The following PTPRN2 variants were observed in gnomAD, a reference collection of about 807,000 sequenced individuals.
The protein encoded by PTPRN2 is receptor-type tyrosine-protein phosphatase N2.
Under a neutral mutation model 118.8 loss-of-function variants are expected in PTPRN2, and 74 were observed. The observed-to-expected ratio is 0.62, with a 90% CI of 0.52 to 0.76. The LOEUF (loss-of-function observed/expected upper bound fraction) is 0.76. Among genes scored for constraint, PTPRN2 ranks in the 30% least tolerant of loss-of-function variants. The pLI, the probability that PTPRN2 is intolerant of heterozygous loss-of-function variation, is 0.00. For missense variants in PTPRN2, 1,481 were observed against 1,394.4 expected (o/e 1.06, Z -0.99); for synonymous variants, 641 against 608.0 (o/e 1.05, Z -0.80).
chr7:157,577,677 G>A (rs1800129754), intron 18 of PTPRN2, among the ~76,000 whole-genome samples: 1 of 152,192 alleles, frequency 6.6e-6, no homozygotes, highest in South Asian at 2.1e-4. Context: ...TGAGGCGAAT[G>A]TTTTTTCTAC....
At position 157,874,491 on chromosome 7, in the gene PTPRN2, C is replaced by G. The variant is rs1424707595; in HGVS notation, c.1788+24182G>C. ...TGCCTTCCTGCCAGCCAACCATGTT[C>G]ACAAGGAAGTTCATGTCCCCCTTAA... On this transcript the variant is annotated intron_variant, in intron 12 of 22. Transcript: ENST00000389418. This position sits in a 1 kb window ranked among gnomAD's most constrained non-coding sequence, Gnocchi z 5.8. Among the ~76,000 whole-genome samples, 11 of 152,224 alleles carry G rather than the reference C, an allele frequency of 7.2e-5. No homozygotes were observed. The highest frequency in any genetic ancestry group is 2.7e-4 in the African/African-American group (11 of 41,468).
intron 13 of PTPRN2, among the ~76,000 whole-genome samples, chr7:157,667,219 T>G (rs1167847180): frequency 1.9e-5 from 2 of 103,282 alleles, no homozygotes; most frequent in Non-Finnish European, 4.3e-5. Context: ...ACGCTCAGCC[T>G]GTGGGACACT....
intron 3 of PTPRN2, among the ~76,000 whole-genome samples, chr7:158,241,635 T>C (rs1341867936): frequency 6.6e-6 from 1 of 152,198 alleles, no homozygotes; most frequent in Non-Finnish European, 1.5e-5. Context: ...AAGACATTGT[T>C]TTCTGAAGTG....
chr7:158,048,342 G>T (rs1809031998), intron 11 of PTPRN2, among the ~76,000 whole-genome samples: 1 of 152,128 alleles, frequency 6.6e-6, no homozygotes, highest in Non-Finnish European at 1.5e-5. Flanking sequence ...GGTCCTGCTA[G>T]CCACGGGCAT....
chr7:158,319,629 TCA>T (rs1335700209), intron 2 of PTPRN2, among the ~76,000 whole-genome samples: 2 of 9,426 alleles, frequency 2.1e-4, no homozygotes, highest in Non-Finnish European at 4.9e-4. Context: ...ACAGCCTCCC[TCA>T]CACACACACA....
intron 12 of PTPRN2, among the ~76,000 whole-genome samples, chr7:157,788,410 T>C (rs1236888422): frequency 6.7e-6 from 1 of 149,518 alleles, no homozygotes; most frequent in African/African-American, 2.5e-5. Context: ...CAGGAAGCTT[T>C]CAGCCTCCTT....
intron 3 of PTPRN2, among the ~76,000 whole-genome samples, chr7:158,269,026 C>T (rs968981240): frequency 4.6e-5 from 7 of 152,218 alleles, no homozygotes; most frequent in African/African-American, 9.6e-5. Context: ...TGAACCTCCC[C>T]GGCTTTGTTT....
rs79722128 is a variant in PTPRN2 at position 157,785,656 on chromosome 7, C to T, written c.1789-102719G>A. The stretch of plus-strand genomic sequence containing the variant: ...GCAGACGGTGGGCAGAGGGCAGAGA[C>T]GGAGACCGTGGGCACAGCACACCAA... On this transcript the variant is annotated intron_variant, in intron 12 of 22. Transcript: ENST00000389418. This position sits in a 1 kb window ranked among gnomAD's most constrained non-coding sequence, Gnocchi z 7.3. Among the ~76,000 whole-genome samples, 9,573 of 152,188 alleles carry T rather than the reference C, an allele frequency of 0.063. 445 individuals are homozygous for T. The highest frequency in any genetic ancestry group is 0.088 in the Non-Finnish European group (6,017 of 68,000).
At chr7:158,213,789 G>A (rs2150771952) in intron 3 of PTPRN2, among the ~76,000 whole-genome samples, 2 of 151,736 alleles carry the variant, frequency 1.3e-5, no homozygotes, top group East Asian at 3.9e-4. Context: ...TTCCTAAAAG[G>A]GATTCTCTTA....
intron 1 of PTPRN2, among the ~76,000 whole-genome samples, chr7:158,507,371 C>G (rs1382204833): frequency 6.9e-6 from 1 of 145,032 alleles, no homozygotes; most frequent in African/African-American, 2.6e-5. Flanking sequence ...CAGTGAGGAC[C>G]ATCCAGGGGA....
intron 6 of PTPRN2, among the ~76,000 whole-genome samples, chr7:158,162,689 C>G (rs1822467524): frequency 6.6e-6 from 1 of 152,190 alleles, no homozygotes; most frequent in Admixed American, 6.5e-5. Flanking sequence ...TTAGATAGGC[C>G]TTCCACTGAA....
intron 3 of PTPRN2, among the ~76,000 whole-genome samples, chr7:158,287,593 G>A (rs1232396000): frequency 6.6e-6 from 1 of 152,044 alleles, no homozygotes; most frequent in Non-Finnish European, 1.5e-5. Context: ...TGGTTCAGAA[G>A]CATGTTGTTC....
intron 11 of PTPRN2, among the ~76,000 whole-genome samples, chr7:157,907,569 G>A (rs1258903976): frequency 6.9e-6 from 1 of 145,236 alleles, no homozygotes; most frequent in Non-Finnish European, 1.5e-5. Context: ...TGTCTCCTGT[G>A]TGTGAGGTGT....
chr7:157,864,391 G>A (rs766805631), intron 12 of PTPRN2: 17 of 152,328 alleles, frequency 1.1e-4, no homozygotes, highest in South Asian at 2.1e-4. Context: ...GACGGGCCCC[G>A]GATGCTGACA....
At position 158,418,430 on chromosome 7, in the gene PTPRN2, G is replaced by A. The variant is rs10239894; in HGVS notation, c.163+71305C>T. ...CTGTGTTGTCATGGTGTACTACATCGAGATGCTGTAGCTCTCAGTGTCCCG... is the reference window on the plus strand; with the variant it reads ...CTGTGTTGTCATGGTGTACTACATCAAGATGCTGTAGCTCTCAGTGTCCCG... On this transcript the variant is annotated intron_variant, in intron 2 of 22. Transcript: ENST00000389418. Among the ~76,000 whole-genome samples, 509 of 140,184 alleles carry A rather than the reference G, an allele frequency of 3.6e-3. 16 individuals carry two copies. The highest frequency in any genetic ancestry group is 0.013 in the African/African-American group (489 of 37,294). The allele number at this position is 140,184 out of a possible 152,430, so 92.0% of individuals were successfully genotyped here.
Position 157,656,535 on chromosome 7 carries a change from C to A in PTPRN2, c.2018G>T (p.Arg673Leu). The change falls in exon 14 of 23, where the codon CGT becomes CTT. Residue 673 changes from arginine (R) to leucine (L), a missense_variant. By Grantham distance (102) the Arg-to-Leu change is moderately radical (BLOSUM62 -2). Around this residue, in one of 3 missense-constraint regions of PTPRN2, gnomAD observed 1,115 missense variants for 994.2 expected, o/e 1.12. Coordinates refer to ENST00000389418, the MANE Select transcript of PTPRN2 (RefSeq NM_002847.5). ...TCGGTCTGGTGGCCGCGTGGCCATA[C>A]GCTGGCGGCACAGCTCCTGCAGGAC... ...TAAYQELCRQ[R>L]MATRPPDRPE... The A allele has an allele frequency of 6.5e-7, 1 of 1,543,314 alleles. No homozygotes were observed. Among genetic ancestry groups the A allele is most frequent in the Non-Finnish European group, 8.7e-7 (1 of 1,150,276 alleles).
At chr7:158,387,535 G>A (rs1199741403) in intron 2 of PTPRN2, among the ~76,000 whole-genome samples, 3 of 152,284 alleles carry the variant, frequency 2.0e-5, no homozygotes, top group African/African-American at 4.8e-5. Context: ...CTGGGTCCTG[G>A]GGGGACTGGA....
chr7:158,337,740 C>G (rs1476208155), intron 2 of PTPRN2, among the ~76,000 whole-genome samples: 1 of 146,070 alleles, frequency 6.8e-6, no homozygotes, highest in Non-Finnish European at 1.5e-5. Context: ...CTCACAACCA[C>G]ACTCTCACCA....
At chr7:157,786,072 G>C (rs545392534) in intron 12 of PTPRN2, among the ~76,000 whole-genome samples, 6 of 152,168 alleles carry the variant, frequency 3.9e-5, no homozygotes. Context: ...AGCGTTAGCC[G>C]CACTCCGAGT....
Sources: allele counts gnomAD v4.1 joint callset (sites outside exome capture counted in the v4.1 genomes callset), GRCh38; gene constraint gnomAD v4.1.1; regional missense constraint gnomAD v4.1.1; non-coding constraint Gnocchi (gnomAD v3.1); transcripts MANE v1.5; gene names NCBI Gene and HGNC (gene_info 2026-07-23, HGNC 2026-07-21).